Variants in NFATC1 observed in about 807,000 individuals in gnomAD.
NFATC1 encodes the protein nuclear factor of activated T cells 1.
Under a neutral mutation model 76.0 loss-of-function variants are expected in NFATC1, and 22 were observed. The ratio of observed to expected loss-of-function variants is 0.29; its 90% confidence interval spans 0.21 to 0.41. The LOEUF (loss-of-function observed/expected upper bound fraction) is 0.41. Among genes scored for constraint, NFATC1 ranks in the 10% least tolerant of loss-of-function variants. NFATC1 has a pLI of 1.00. For synonymous variants in NFATC1, 704 were observed against 613.1 expected (o/e 1.15, Z -2.19); for missense variants, 1,357 against 1,337.7 (o/e 1.01, Z -0.23).
At chr18:79,431,028 C>T (rs1346158288) in intron 2 of NFATC1, among the ~76,000 whole-genome samples, 1 of 152,232 alleles carries the variant, frequency 6.6e-6, no homozygotes, top group African/African-American at 2.4e-5. Context: ...TGGGAAACAG[C>T]TCTGACAGTA....
intron 9 of NFATC1, among the ~76,000 whole-genome samples, chr18:79,501,795 A>G (rs1416842591): frequency 6.6e-6 from 1 of 152,164 alleles, no homozygotes; most frequent in Non-Finnish European, 1.5e-5. Context: ...TAAAATATGA[A>G]TAACTTTAAA....
chr18:79,523,488 C>T (rs949746337), intron 9 of NFATC1, among the ~76,000 whole-genome samples: 5 of 152,264 alleles, frequency 3.3e-5, no homozygotes, highest in Admixed American at 2.6e-4. Flanking sequence ...CTGAGAAAGG[C>T]GTCTCGCCTA....
intron 1 of NFATC1, among the ~76,000 whole-genome samples, chr18:79,399,216 T>C (rs967412478): frequency 6.6e-6 from 1 of 152,242 alleles, no homozygotes; most frequent in Non-Finnish European, 1.5e-5. Context: ...AGAAGTATTA[T>C]TAGAAACTAA....
intron 8 of NFATC1, among the ~76,000 whole-genome samples, chr18:79,472,659 A>G (rs2088833180): frequency 6.7e-6 from 1 of 149,538 alleles, no homozygotes; most frequent in Non-Finnish European, 1.5e-5. Context: ...CACCCCACAC[A>G]CTTGGAGACA....
intron 7 of NFATC1, among the ~76,000 whole-genome samples, chr18:79,464,682 GTA>G (rs749147876): frequency 9.9e-6 from 1 of 100,780 alleles, no homozygotes; most frequent in African/African-American, 4.6e-5. Context: ...ATATGTATGT[GTA>G]TATATATATA....
chr18:79,409,266 CATCT>C (rs374801828), intron 1 of NFATC1, among the ~76,000 whole-genome samples: 114 of 141,698 alleles, frequency 8.0e-4, no homozygotes, highest in Middle Eastern at 3.6e-3. Flanking sequence ...CCTATCCATC[CATCT>C]ATCATCCATC....
intron 4 of NFATC1, 69 bp from the exon 5 acceptor site, chr18:79,450,884 TG>T (rs1345778460): frequency 2.6e-6 from 4 of 1,550,230 alleles, no homozygotes; most frequent in African/African-American, 1.4e-5. Flanking sequence ...CCAGAGGGTC[TG>T]GGGGGCCAGG....
At chr18:79,472,192 A>C (rs2088815034) in intron 8 of NFATC1, among the ~76,000 whole-genome samples, 1 of 152,114 alleles carries the variant, frequency 6.6e-6, no homozygotes, top group Non-Finnish European at 1.5e-5. Flanking sequence ...GTCCCCGTGC[A>C]CAGATCCCAC....
chr18:79,490,130 G>A (rs566127318), intron 9 of NFATC1, among the ~76,000 whole-genome samples: 57 of 151,890 alleles, frequency 3.8e-4, no homozygotes, highest in African/African-American at 1.2e-3. Flanking sequence ...AGCCCCTCTC[G>A]GTCCTTCACA....
chr18:79,480,843 C>G (rs1185266109), intron 8 of NFATC1, among the ~76,000 whole-genome samples: 1 of 152,206 alleles, frequency 6.6e-6, no homozygotes, highest in Non-Finnish European at 1.5e-5. Flanking sequence ...CGCACTGGCC[C>G]CCATGCCTGG....
At chr18:79,436,279 G>A (rs916667046) in intron 3 of NFATC1, among the ~76,000 whole-genome samples, 4 of 152,338 alleles carry the variant, frequency 2.6e-5, no homozygotes, top group Admixed American at 6.5e-5. Context: ...CGCTGCGGGC[G>A]GCTGGTCAGA....
At chr18:79,397,040 G>T (rs1568902890) in intron 1 of NFATC1, among the ~76,000 whole-genome samples, 1 of 152,170 alleles carries the variant, frequency 6.6e-6, no homozygotes, top group Non-Finnish European at 1.5e-5. Flanking sequence ...TCTTTATAGT[G>T]AAAAAAAGAT....
chr18:79,486,683 G>A lies in NFATC1; in HGVS notation c.2528G>A (p.Cys843Tyr), dbSNP rs368036741. The change falls in exon 9 of 10, where the codon TGC becomes TAC. Residue 843 changes from cysteine to tyrosine, a missense_variant. Physicochemically the swap from Cys to Tyr is radical, Grantham distance 194. Transcript: ENST00000427363. ...SCPPGLEHSL[C>Y]PSSPSPPLPP... ...CCCCCTGGTCTCGAACACTCGCTCT[G>A]CCCCAGCAGCCCCTCTCCTCCACTC... The A allele has an allele frequency of 3.2e-5, 52 of 1,600,464 alleles. No homozygotes were observed. Among genetic ancestry groups the A allele is most frequent in the Non-Finnish European group, 4.2e-5 (49 of 1,176,148 alleles).
intron 9 of NFATC1, among the ~76,000 whole-genome samples, chr18:79,513,334 C>G (rs2090305042): frequency 6.6e-6 from 1 of 152,148 alleles, no homozygotes; most frequent in Admixed American, 6.5e-5. Context: ...GCGTGAGGCT[C>G]CCGGGTCAGC....
chr18:79,465,770 GAGGA>G lies in NFATC1; in HGVS notation c.1960-1677_1960-1674del, dbSNP rs1177074782. Among the ~76,000 whole-genome samples the G allele has an allele frequency of 0.014, 2,128 of 152,344 alleles. 53 individuals carry two copies. Among genetic ancestry groups the G allele is most frequent in the African/African-American group, 0.049 (2,043 of 41,574 alleles). On this transcript the variant is annotated intron_variant, in intron 7 of 9. Coordinates refer to ENST00000427363, the MANE Select transcript of NFATC1 (RefSeq NM_001278669.2). The surrounding 1 kb of genome is among the most constrained non-coding windows in gnomAD (Gnocchi z 4.2). ...CTGCTGAATTCAGAAAACAGCCTTG[GAGGA>G]AGCGTCTCTTTATCCCCCGTACAAA...
At chr18:79,413,613 A>C (rs2085773279) in intron 2 of NFATC1, among the ~76,000 whole-genome samples, 1 of 151,820 alleles carries the variant, frequency 6.6e-6, no homozygotes. Flanking sequence ...GCTGGGCAGG[A>C]CTCCATTATG....
At chr18:79,520,779 G>C (rs2090518153) in intron 9 of NFATC1, among the ~76,000 whole-genome samples, 1 of 83,910 alleles carries the variant, frequency 1.2e-5, no homozygotes, top group Non-Finnish European at 2.2e-5. Flanking sequence ...ACTGATGTGT[G>C]TGTGTGTGGG....
intron 1 of NFATC1, among the ~76,000 whole-genome samples, chr18:79,403,243 G>T (rs1232616549): frequency 5.3e-5 from 8 of 152,254 alleles, no homozygotes; most frequent in Admixed American, 5.2e-4. Context: ...GGGGTGCTTT[G>T]AGGGAGGGGC....
At chr18:79,407,082 C>T (rs964758477) in intron 1 of NFATC1, among the ~76,000 whole-genome samples, 15 of 152,254 alleles carry the variant, frequency 9.9e-5, no homozygotes. Flanking sequence ...GCCCAGAGCC[C>T]CCCAGGTATC....
Sources: gnomAD v4.1 joint callset for allele counts (sites outside exome capture counted in the v4.1 genomes callset) on GRCh38, gnomAD v4.1.1 for gene constraint, Gnocchi (gnomAD v3.1) non-coding constraint, MANE v1.5 for transcripts, NCBI Gene and HGNC (gene_info 2026-07-23, HGNC 2026-07-21) for gene names.